ANK1: variants seen among roughly 807,000 people sequenced by gnomAD.
ANK1 encodes the protein ankyrin-1.
Under a neutral mutation model 210.4 loss-of-function variants are expected in ANK1, and 51 were observed. The ratio of observed to expected loss-of-function variants is 0.24; its 90% confidence interval spans 0.19 to 0.31. ANK1 has a LOEUF of 0.31. Ranked by LOEUF, ANK1 falls within the 10% of genes least tolerant of loss-of-function variation. The pLI, the probability that ANK1 is intolerant of heterozygous loss-of-function variation, is 1.00. For missense variants in ANK1, 2,051 were observed against 2,504.4 expected (o/e 0.82, Z 3.86); for synonymous variants, 967 against 1,025.9 (o/e 0.94, Z 1.10).
At chr8:41,812,661 C>T (rs569142595) in intron 1 of ANK1, among the ~76,000 whole-genome samples, 2 of 152,300 alleles carry the variant, frequency 1.3e-5, no homozygotes, top group South Asian at 4.1e-4. Flanking sequence ...CAGAGAATAG[C>T]GGTCCCCAAG....
At position 41,888,222 on chromosome 8, in the gene ANK1, G is replaced by A. The variant is rs555836645; in HGVS notation, c.126+8133C>T. Among the ~76,000 whole-genome samples the A allele has an allele frequency of 1.1e-3, 163 of 152,198 alleles. 1 individual carries two copies. The highest frequency in any genetic ancestry group is 3.7e-3 in the African/African-American group (154 of 41,530). On this transcript the variant is annotated intron_variant, in intron 1 of 42. Transcript: ENST00000265709. Reference sequence around the variant, plus strand: ...GGACTCACCATCTTCCTCCTAACCCGTCCCCCTCCTCTTTCCCAAGCTCAG... The same window carrying A: ...GGACTCACCATCTTCCTCCTAACCCATCCCCCTCCTCTTTCCCAAGCTCAG...
chr8:41,896,549 C>G, exon 1 of ANK1: 9 of 1,519,324 alleles, frequency 5.9e-6, no homozygotes, highest in Non-Finnish European at 7.9e-6. Flanking sequence ...AGGCGACACC[C>G]CCTAAGAAGG....
intron 1 of ANK1, among the ~76,000 whole-genome samples, chr8:41,834,786 G>T (rs994563581): frequency 6.6e-6 from 1 of 152,262 alleles, no homozygotes; most frequent in Non-Finnish European, 1.5e-5. Context: ...GCTCAGCATC[G>T]CTGTCTGTCC....
Position 41,672,670 on chromosome 8 carries a change from C to A in ANK1, c.4780G>T (p.Asp1594Tyr), listed in dbSNP as rs1215083583. ...SLECSKAEDSDATGHEWKLEG... is the reference protein window; with the variant it reads ...SLECSKAEDSYATGHEWKLEG... ...AACTTCCACTCGTGACCTGTGGCAT[C>A]AGAGTCCTCAGCCTTGCTACACTCC... The change falls in exon 38 of 43, where the codon GAT becomes TAT. Residue 1594 changes from aspartate to tyrosine, a missense_variant. By Grantham distance (160) the Asp-to-Tyr change is radical. This residue lies in a region of ANK1 where 496 missense variants were observed against 533.4 expected (regional missense o/e 0.93). Transcript: ENST00000289734. 4 of 1,614,248 alleles carry A rather than the reference C, an allele frequency of 2.5e-6. No individual in the cohort carries two copies. In the Admixed American group the frequency reaches 6.7e-5, roughly 27 times the overall value.
intron 1 of ANK1, among the ~76,000 whole-genome samples, chr8:41,805,167 CTCTTTCTT>C (rs149004947): frequency 3.3e-5 from 5 of 150,492 alleles, no homozygotes; most frequent in South Asian, 2.1e-4. Flanking sequence ...TTCTCTCTCT[CTCTTTCTT>C]TCTTTCTTTC....
chr8:41,692,924 ATCCTT>A, intron 30 of ANK1, 48 bp from the exon 31 acceptor site: 1 of 1,582,032 alleles, frequency 6.3e-7, no homozygotes, highest in Non-Finnish European at 8.7e-7. Flanking sequence ...AACAGAGAGC[ATCCTT>A]TCCATCCAGA....
Position 41,668,379 on chromosome 8 carries a change from G to A in ANK1, c.5282C>T (p.Thr1761Met), listed in dbSNP as rs528337744. The change falls in exon 39 of 43, where the codon ACG becomes ATG. Residue 1761 changes from threonine (T) to methionine (M), a missense_variant. By Grantham distance (81) the Thr-to-Met change is moderately conservative. Around this residue, in one of 6 missense-constraint regions of ANK1, gnomAD observed 496 missense variants for 533.4 expected, o/e 0.93. Coordinates refer to ENST00000289734, the MANE Select transcript of ANK1 (RefSeq NM_000037.4). ...EKVLVSVSEH[T>M]WTEQPEAESS... Reference sequence around the variant, plus strand: ...CTCAGCCTCGGGCTGTTCTGTCCACGTGTGCTCACTTACAGACACCAGGAC... The same window carrying A: ...CTCAGCCTCGGGCTGTTCTGTCCACATGTGCTCACTTACAGACACCAGGAC... 9.3e-6 allele frequency: 15 copies of A among 1,614,208 alleles called. No homozygotes were observed. Among genetic ancestry groups the A allele is most frequent in the South Asian group, 6.6e-5 (6 of 91,084 alleles).
chr8:41,751,423 G>A (rs1191647836), intron 2 of ANK1, among the ~76,000 whole-genome samples: 1 of 152,172 alleles, frequency 6.6e-6, no homozygotes, highest in Non-Finnish European at 1.5e-5. Flanking sequence ...AGCTAGGCTT[G>A]AGCCTTAAGA....
chr8:41,680,085 A>T (rs1432090429), intron 37 of ANK1, among the ~76,000 whole-genome samples: 2 of 152,254 alleles, frequency 1.3e-5, no homozygotes, highest in African/African-American at 4.8e-5. Flanking sequence ...ATCGCACCTG[A>T]CACAGCTCCT....
intron 1 of ANK1, among the ~76,000 whole-genome samples, chr8:41,855,770 G>A (rs1053011252): frequency 5.3e-5 from 8 of 152,066 alleles, no homozygotes; most frequent in Non-Finnish European, 1.0e-4. Context: ...CAAAAACACC[G>A]AATGCATTAA....
chr8:41,799,814 C>A (rs369312347), upstream of ANK1, among the ~76,000 whole-genome samples: 58 of 152,262 alleles, frequency 3.8e-4, no homozygotes, highest in East Asian at 7.7e-3. Flanking sequence ...AGGGGCAAAC[C>A]AACACCCAGG....
chr8:41,760,664 C>T (rs952286564), intron 1 of ANK1, among the ~76,000 whole-genome samples: 3 of 152,246 alleles, frequency 2.0e-5, no homozygotes, highest in African/African-American at 7.2e-5. Context: ...ACACCGTTGG[C>T]TTCTATTTCC....
intron 2 of ANK1, among the ~76,000 whole-genome samples, chr8:41,752,783 G>A (rs1838030213): frequency 7.9e-6 from 1 of 126,066 alleles, no homozygotes; most frequent in Non-Finnish European, 1.7e-5. Context: ...CTCCTGCGCT[G>A]CTGGGCACAC....
chr8:41,808,126 A>C (rs1479291118), intron 1 of ANK1, among the ~76,000 whole-genome samples: 5 of 152,134 alleles, frequency 3.3e-5, no homozygotes, highest in Admixed American at 2.6e-4. Flanking sequence ...AGAGCCAGGG[A>C]CACCCCACCT....
chr8:41,803,060 A>G (rs2355296), intron 1 of ANK1, among the ~76,000 whole-genome samples: 815 of 58,892 alleles, frequency 0.014, 21 homozygotes, highest in African/African-American at 0.059. Flanking sequence ...AGAAAGAGAG[A>G]AAGGAAGGAA....
Position 41,688,185 on chromosome 8 carries a change from A to G in ANK1, c.4229T>C (p.Ile1410Thr), listed in dbSNP as rs1431685642. The G allele has an allele frequency of 2.5e-6, 4 of 1,614,118 alleles. No homozygotes were observed. The highest frequency in any genetic ancestry group is 3.4e-6 in the Non-Finnish European group (4 of 1,180,048). The change falls in exon 35 of 43, where the codon ATC becomes ACC. Residue 1410 changes from isoleucine to threonine, a missense_variant. By Grantham distance (89) the Ile-to-Thr change is moderately conservative (BLOSUM62 -1). Coordinates refer to ENST00000289734, the MANE Select transcript of ANK1 (RefSeq NM_000037.4). ...TEQAEMKMAV[I>T]SEHLGLSWAE... ...CCAGCTGAGACCGAGGTGCTCTGAG[A>G]TAACAGCCATCTTCATCTCTGCCTG...
At chr8:41,851,563 C>T (rs534948593) in intron 1 of ANK1, among the ~76,000 whole-genome samples, 4 of 152,226 alleles carry the variant, frequency 2.6e-5, no homozygotes, top group Admixed American at 6.5e-5. Flanking sequence ...TATTAAAAGC[C>T]CTAGCTGGCT....
intron 1 of ANK1, among the ~76,000 whole-genome samples, chr8:41,888,497 G>A (rs1234887534): frequency 1.3e-5 from 2 of 152,288 alleles, no homozygotes; most frequent in Admixed American, 6.5e-5. Flanking sequence ...CACCCTCATC[G>A]TATCATCTCC....
intron 31 of ANK1, among the ~76,000 whole-genome samples, chr8:41,692,337 G>A (rs572458415): frequency 2.6e-5 from 4 of 152,340 alleles, no homozygotes; most frequent in South Asian, 4.1e-4. Flanking sequence ...GATGAAAGGC[G>A]TGAGCCACTG....
Sources: gnomAD v4.1 joint callset for allele counts (sites outside exome capture counted in the v4.1 genomes callset) on GRCh38, gnomAD v4.1.1 for gene constraint, gnomAD v4.1.1 regional missense constraint, MANE v1.5 for transcripts, NCBI Gene and HGNC (gene_info 2026-07-23, HGNC 2026-07-21) for gene names.